ADCY5: variants seen among roughly 807,000 people sequenced by gnomAD.
ADCY5 encodes adenylate cyclase 5, also known as adenylate cyclase type 5.
A neutral mutation model predicts 119.7 loss-of-function variants in ADCY5; 30 were observed. That is an observed-to-expected ratio of 0.25 (90% CI 0.19 to 0.34). ADCY5 has a LOEUF of 0.34. Ranked by LOEUF, ADCY5 falls within the 10% of genes least tolerant of loss-of-function variation. ADCY5 has a pLI of 1.00. For missense variants in ADCY5, 1,324 were observed against 1,775.2 expected (o/e 0.75, Z 4.57); for synonymous variants, 753 against 762.2 (o/e 0.99, Z 0.20).
chr3:123,417,932 GC>G (rs1945221462), intron 1 of ADCY5, among the ~76,000 whole-genome samples: 1 of 152,208 alleles, frequency 6.6e-6, no homozygotes, highest in African/African-American at 2.4e-5. Flanking sequence ...AGAGTGGGTG[GC>G]CTTCCAACAG....
chr3:123,382,752 G>A (rs1337879265), intron 1 of ADCY5, among the ~76,000 whole-genome samples: 1 of 152,184 alleles, frequency 6.6e-6, no homozygotes, highest in Admixed American at 6.5e-5. Flanking sequence ...CAAAGGCTGG[G>A]GGGAGGAAGG....
At chr3:123,411,003 G>A (rs1945030177) in intron 1 of ADCY5, among the ~76,000 whole-genome samples, 1 of 152,090 alleles carries the variant, frequency 6.6e-6, no homozygotes, top group East Asian at 1.9e-4. Context: ...AAATTCCTTA[G>A]CACTAGCCAT....
At chr3:123,383,219 A>C (rs1944090890) in intron 1 of ADCY5, among the ~76,000 whole-genome samples, 1 of 152,146 alleles carries the variant, frequency 6.6e-6, no homozygotes, top group Non-Finnish European at 1.5e-5. Flanking sequence ...CGCATTTTGG[A>C]AATCTGAGCC....
At chr3:123,438,926 A>AT (rs1945672699) in intron 1 of ADCY5, among the ~76,000 whole-genome samples, 1 of 151,542 alleles carries the variant, frequency 6.6e-6, no homozygotes, top group Non-Finnish European at 1.5e-5. Context: ...TTTTTAAAAA[A>AT]TTTTTTGTAG....
intron 1 of ADCY5, among the ~76,000 whole-genome samples, chr3:123,423,397 C>G (rs545386788): frequency 6.6e-6 from 1 of 152,220 alleles, no homozygotes; most frequent in Non-Finnish European, 1.5e-5. Context: ...CTCTTTTTCC[C>G]GCATCCCCAG....
At chr3:123,378,340 T>C (rs1270321893) in intron 1 of ADCY5, among the ~76,000 whole-genome samples, 1 of 151,630 alleles carries the variant, frequency 6.6e-6, no homozygotes, top group Non-Finnish European at 1.5e-5. Flanking sequence ...CGTGCTATTC[T>C]ATTAGTCAGA....
chr3:123,371,625 T>G (rs1706309676), intron 1 of ADCY5, among the ~76,000 whole-genome samples: 1 of 152,202 alleles, frequency 6.6e-6, no homozygotes, highest in South Asian at 2.1e-4. Flanking sequence ...CCGGTATCTC[T>G]CAGCCAGGCC....
chr3:123,441,459 C>T (rs1576699509), intron 1 of ADCY5, among the ~76,000 whole-genome samples: 1 of 152,154 alleles, frequency 6.6e-6, no homozygotes, highest in East Asian at 1.9e-4. Flanking sequence ...CTAAGAGGCA[C>T]CTGATTTGGC....
At chr3:123,409,934 C>T (rs1944999590) in intron 1 of ADCY5, among the ~76,000 whole-genome samples, 1 of 152,202 alleles carries the variant, frequency 6.6e-6, no homozygotes, top group African/African-American at 2.4e-5. Flanking sequence ...GTCACCAGCC[C>T]ACTGACCTGG....
chr3:123,410,129 C>T (rs923845184), intron 1 of ADCY5, among the ~76,000 whole-genome samples: 1 of 152,182 alleles, frequency 6.6e-6, no homozygotes, highest in Admixed American at 6.5e-5. Flanking sequence ...TGAGAGGCCC[C>T]CATCTGCCCT....
intron 3 of ADCY5, among the ~76,000 whole-genome samples, chr3:123,341,858 T>C (rs1268475089): frequency 6.6e-6 from 1 of 151,920 alleles, no homozygotes; most frequent in Non-Finnish European, 1.5e-5. Context: ...TAAATGTTTG[T>C]GGAATGACTA....
intron 1 of ADCY5, among the ~76,000 whole-genome samples, chr3:123,422,962 CCT>C (rs749006748): frequency 5.9e-5 from 9 of 152,192 alleles, no homozygotes; most frequent in Non-Finnish European, 1.2e-4. Flanking sequence ...CAGAAACTTC[CCT>C]GTTTCCCTCC....
intron 1 of ADCY5, among the ~76,000 whole-genome samples, chr3:123,413,973 A>G (rs180764709): frequency 1.9e-4 from 29 of 152,320 alleles, no homozygotes; most frequent in Admixed American, 1.7e-3. Context: ...CGATGCAGAA[A>G]GAATTTGGGG....
chr3:123,369,026 A>C (rs1215756458), intron 1 of ADCY5, among the ~76,000 whole-genome samples: 1 of 152,146 alleles, frequency 6.6e-6, no homozygotes. Context: ...TATGGTTTTG[A>C]ATGTACCCCG....
chr3:123,334,235 A>G (rs1441349188), intron 3 of ADCY5, among the ~76,000 whole-genome samples: 1 of 152,146 alleles, frequency 6.6e-6, no homozygotes, highest in East Asian at 1.9e-4. Context: ...CCTGCAAGTG[A>G]GGGGTCAGTG....
intron 9 of ADCY5, 77 bp downstream of exon 9, chr3:123,320,672 G>T: frequency 6.4e-7 from 1 of 1,568,910 alleles, no homozygotes; most frequent in Non-Finnish European, 8.8e-7. Context: ...GGAGTGTGGA[G>T]AAACCAAGTG....
intron 1 of ADCY5, among the ~76,000 whole-genome samples, chr3:123,363,466 C>A (rs2107510152): frequency 6.6e-6 from 1 of 152,276 alleles, no homozygotes; most frequent in South Asian, 2.1e-4. Flanking sequence ...AATATTCATA[C>A]CCTCTGACCC....
chr3:123,285,285 G>A (rs145848113), intron 20 of ADCY5, among the ~76,000 whole-genome samples: 5 of 152,286 alleles, frequency 3.3e-5, no homozygotes, highest in Admixed American at 6.5e-5. Context: ...TCTAAGTCAC[G>A]AGCCTGAGGT....
At chr3:123,440,907 G>A (rs559910459) in intron 1 of ADCY5, among the ~76,000 whole-genome samples, 5 of 152,246 alleles carry the variant, frequency 3.3e-5, no homozygotes, top group Admixed American at 1.3e-4. Flanking sequence ...TGACCCAATC[G>A]CCTTCCAGAT....
Sources: gnomAD v4.1 joint callset for allele counts (sites outside exome capture counted in the v4.1 genomes callset) on GRCh38, gnomAD v4.1.1 for gene constraint, MANE v1.5 for transcripts, NCBI Gene and HGNC (gene_info 2026-07-23, HGNC 2026-07-21) for gene names.